DNM2: variants seen among roughly 807,000 people sequenced by gnomAD.
DNM2 encodes the protein dynamin 2.
DNM2 carries 15 observed loss-of-function variants against 99.0 expected under a neutral mutation model. That is an observed-to-expected ratio of 0.15 (90% CI 0.10 to 0.23). The LOEUF (loss-of-function observed/expected upper bound fraction) is 0.23, where lower values mean the gene tolerates loss of function less well. DNM2 is among the 10% of genes least tolerant of loss of function. The pLI is 1.00. For synonymous variants in DNM2, 525 were observed against 481.2 expected (o/e 1.09, Z -1.19); for missense variants, 742 against 1,189.4 (o/e 0.62, Z 5.53).
chr19:10,812,863 C>T lies in DNM2; in HGVS notation c.1671+486C>T, dbSNP rs896208147. ...CAGCCACCATGTGCCAAAAGGCTTA[C>T]ATTGTACCTGGCCCCCATGGGACCA... On this transcript the variant is annotated intron_variant, in intron 15 of 20. Coordinates refer to ENST00000389253, the MANE Select transcript of DNM2 (RefSeq NM_001005361.3). The surrounding 1 kb of genome is among the most constrained non-coding windows in gnomAD (Gnocchi z 4.0). Among the ~76,000 whole-genome samples the T allele has an allele frequency of 5.9e-5, 9 of 152,200 alleles. No homozygotes were observed. Among genetic ancestry groups the T allele is most frequent in the Non-Finnish European group, 8.8e-5 (6 of 68,038 alleles).
At chr19:10,799,056 T>G (rs962292934) in intron 11 of DNM2, among the ~76,000 whole-genome samples, 1 of 152,130 alleles carries the variant, frequency 6.6e-6, no homozygotes, top group Non-Finnish European at 1.5e-5. Context: ...CAAGACCTTG[T>G]CTCTACGAAA....
At chr19:10,758,632 C>T (rs1250249093) in intron 1 of DNM2, among the ~76,000 whole-genome samples, 15 of 149,406 alleles carry the variant, frequency 1.0e-4, no homozygotes, top group East Asian at 4.1e-4. Context: ...CTGCAACCTC[C>T]GCCTCCTGGG....
chr19:10,739,990 CT>C (rs1474132003), intron 1 of DNM2, among the ~76,000 whole-genome samples: 2 of 148,840 alleles, frequency 1.3e-5, no homozygotes, highest in African/African-American at 4.9e-5. Flanking sequence ...TCTGTGTCTT[CT>C]TGAGTCAGTT....
Position 10,812,446 on chromosome 19 carries a change from C to T in DNM2, c.1671+69C>T. Reference sequence around the variant, plus strand: ...GCCAGGGAAGAGCGGGTGGGCGCTCCCTCTGGGCAGAACTCAGTCACTGCG... The same window carrying T: ...GCCAGGGAAGAGCGGGTGGGCGCTCTCTCTGGGCAGAACTCAGTCACTGCG... On this transcript the variant is annotated intron_variant, in intron 15 of 20. Transcript: ENST00000389253. This position sits in a 1 kb window ranked among gnomAD's most constrained non-coding sequence, Gnocchi z 4.0. The T allele has an allele frequency of 7.5e-7, 1 of 1,333,420 alleles. No individual in the cohort carries two copies. Among genetic ancestry groups the T allele is most frequent in the Non-Finnish European group, 1.0e-6 (1 of 957,710 alleles). 82.6% of individuals were successfully genotyped at this position (1,333,420 alleles called of 1,614,324 possible).
chr19:10,758,415 T>C (rs1441037118), intron 1 of DNM2, among the ~76,000 whole-genome samples: 2 of 70,912 alleles, frequency 2.8e-5, no homozygotes, highest in African/African-American at 5.3e-5. Context: ...CCCTCCTTCC[T>C]TCCCTCCCTC....
chr19:10,818,626 C>G lies in DNM2; in HGVS notation c.1672-1354C>G, dbSNP rs886325953. Among the ~76,000 whole-genome samples the G allele has an allele frequency of 2.0e-5, 3 of 152,250 alleles. No homozygotes were observed. The highest frequency in any genetic ancestry group is 7.2e-5 in the African/African-American group (3 of 41,474). ...AGTCCTGACAGTCCCAGCTGGCCCCCACTTGCCAGGGAGCCCCCGCTGCCT... is the reference window on the plus strand; with the variant it reads ...AGTCCTGACAGTCCCAGCTGGCCCCGACTTGCCAGGGAGCCCCCGCTGCCT... On this transcript the variant is annotated intron_variant, in intron 15 of 20. Coordinates refer to ENST00000389253, the MANE Select transcript of DNM2 (RefSeq NM_001005361.3). The surrounding 1 kb of genome is among the most constrained non-coding windows in gnomAD (Gnocchi z 4.3).
intron 7 of DNM2, among the ~76,000 whole-genome samples, chr19:10,787,641 G>A (rs1190099291): frequency 1.3e-5 from 2 of 151,328 alleles, no homozygotes; most frequent in Non-Finnish European, 2.9e-5. Flanking sequence ...TGTAGTCCCA[G>A]CTACACAGGA....
chr19:10,774,147 A>G (rs151040059), intron 3 of DNM2, among the ~76,000 whole-genome samples: 138 of 152,330 alleles, frequency 9.1e-4, no homozygotes, highest in African/African-American at 3.2e-3. Flanking sequence ...TCAGATGACA[A>G]TGCAAACATG....
At chr19:10,819,819 G>A (rs1309643852) in intron 15 of DNM2, among the ~76,000 whole-genome samples, 161 bp from the exon 16 acceptor site, 1 of 152,170 alleles carries the variant, frequency 6.6e-6, no homozygotes, top group Non-Finnish European at 1.5e-5. Context: ...CTGGGACAGA[G>A]TGACGGACGG....
intron 10 of DNM2, 57 bp from the exon 11 acceptor site, chr19:10,798,429 G>A: frequency 6.5e-7 from 1 of 1,533,722 alleles, no homozygotes; most frequent in Non-Finnish European, 9.0e-7. Flanking sequence ...TGTGGTTCAT[G>A]TTGCTTCCCG....
chr19:10,830,464 C>G lies in DNM2; in HGVS notation c.2543+86C>G. ...CTCACTTCCTCCCAGTGAGCTCTCA[C>G]TACGTGCCCAGCTGCTGGAGTGGAG... is the stretch of plus-strand genomic sequence containing the variant. On this transcript the variant is annotated intron_variant, in intron 20 of 20. Coordinates refer to ENST00000389253, the MANE Select transcript of DNM2 (RefSeq NM_001005361.3). This position sits in a 1 kb window ranked among gnomAD's most constrained non-coding sequence, Gnocchi z 4.8. 6.9e-7 allele frequency: 1 copy of G among 1,448,068 alleles called. No individual in the cohort carries two copies. The highest frequency in any genetic ancestry group is 9.5e-7 in the Non-Finnish European group (1 of 1,056,746). 89.7% of individuals were successfully genotyped at this position (1,448,068 alleles called of 1,614,324 possible). A position where few individuals can be genotyped will look rare whatever the true frequency, so the allele number is the denominator to read the frequency against.
chr19:10,818,543 C>T lies in DNM2; in HGVS notation c.1672-1437C>T, dbSNP rs576179947. On this transcript the variant is annotated intron_variant, in intron 15 of 20. Transcript: ENST00000389253. This position sits in a 1 kb window ranked among gnomAD's most constrained non-coding sequence, Gnocchi z 4.3. Reference sequence around the variant, plus strand: ...CACCTCAACCATGCTGAGCTCCTAACGCCCTGAGGCTGAGCCCATGTGCCA... The same window carrying T: ...CACCTCAACCATGCTGAGCTCCTAATGCCCTGAGGCTGAGCCCATGTGCCA... Among the ~76,000 whole-genome samples the T allele has an allele frequency of 3.1e-4, 47 of 152,348 alleles. No homozygotes were observed. Among genetic ancestry groups the T allele is most frequent in the Middle Eastern group, 3.4e-3 (1 of 294 alleles).
intron 17 of DNM2, chr19:10,824,153 T>C: frequency 1.9e-6 from 1 of 513,512 alleles, no homozygotes; most frequent in Non-Finnish European, 3.5e-6. Flanking sequence ...TCTCTTCTCT[T>C]TTCCCCTTCC....
chr19:10,794,094 A>G (rs2071844701), intron 8 of DNM2, among the ~76,000 whole-genome samples: 2 of 152,250 alleles, frequency 1.3e-5, no homozygotes, highest in South Asian at 2.1e-4. Context: ...ACAAAAGCCA[A>G]TATACATTCT....
chr19:10,740,371 T>C (rs1390570860), intron 1 of DNM2, among the ~76,000 whole-genome samples: 2 of 149,162 alleles, frequency 1.3e-5, no homozygotes, highest in Non-Finnish European at 2.9e-5. Flanking sequence ...GAAATCTTTC[T>C]CTTTTTTTTG....
At chr19:10,745,337 G>A (rs1460264842) in intron 1 of DNM2, among the ~76,000 whole-genome samples, 1 of 152,182 alleles carries the variant, frequency 6.6e-6, no homozygotes, top group African/African-American at 2.4e-5. Flanking sequence ...GGAGTCGGCT[G>A]TCCTTGCCAA....
chr19:10,769,484 C>T (rs1277210194), intron 2 of DNM2: 1 of 152,242 alleles, frequency 6.6e-6, no homozygotes, highest in Non-Finnish European at 1.5e-5. Context: ...CTTGGTGGGA[C>T]AGAGGCCTGC....
chr19:10,742,513 G>T (rs549506930), intron 1 of DNM2, among the ~76,000 whole-genome samples: 1 of 152,322 alleles, frequency 6.6e-6, no homozygotes, highest in East Asian at 1.9e-4. Context: ...CTGGGGAAGT[G>T]GCAGCCTTCA....
chr19:10,755,621 C>T (rs57428466), intron 1 of DNM2: 3,093 of 151,022 alleles, frequency 0.02, 41 homozygotes, highest in South Asian at 0.047. Flanking sequence ...CCACCACACC[C>T]GGCCAGGGTT....
Sources: allele counts gnomAD v4.1 joint callset (sites outside exome capture counted in the v4.1 genomes callset), GRCh38; gene constraint gnomAD v4.1.1; non-coding constraint Gnocchi (gnomAD v3.1); transcripts MANE v1.5; gene names NCBI Gene and HGNC (gene_info 2026-07-23, HGNC 2026-07-21).